C7orf78: variants seen among roughly 807,000 people sequenced by gnomAD.
C7orf78 encodes the protein chromosome 7 open reading frame 78, also known as putative uncharacterized protein C7orf78.
At chr7:12,488,910 T>C in the C7orf78 span, among the ~76,000 whole-genome samples, 4 of 80,304 alleles carry the variant, frequency 5.0e-5, no homozygotes, top group African/African-American at 1.0e-4. Flanking sequence ...GGGGGTTTGA[T>C]TGGTTTTTTT....
chr7:12,498,977 C>A, the C7orf78 span, among the ~76,000 whole-genome samples: 2 of 151,834 alleles, frequency 1.3e-5, no homozygotes, highest in African/African-American at 2.4e-5. Flanking sequence ...TCATTTCCAG[C>A]CAAACTAAGC....
At chr7:12,522,384 A>G in the C7orf78 span, among the ~76,000 whole-genome samples, 1 of 152,126 alleles carries the variant, frequency 6.6e-6, no homozygotes, top group Admixed American at 6.6e-5. Flanking sequence ...CTGGTCAGCA[A>G]AAAAGCAAAT....
the C7orf78 span, among the ~76,000 whole-genome samples, chr7:12,487,455 G>C: frequency 6.6e-6 from 1 of 152,046 alleles, no homozygotes; most frequent in Non-Finnish European, 1.5e-5. Flanking sequence ...TCTGATCTCA[G>C]CAAGGAGAGA....
chr7:12,500,621 A>G, the C7orf78 span, among the ~76,000 whole-genome samples: 4 of 151,920 alleles, frequency 2.6e-5, no homozygotes, highest in African/African-American at 4.8e-5. Context: ...CCAGGACCAG[A>G]TGGATTCACA....
At chr7:12,538,852 C>T in the C7orf78 span, among the ~76,000 whole-genome samples, 1 of 152,166 alleles carries the variant, frequency 6.6e-6, no homozygotes, top group East Asian at 1.9e-4. Context: ...AGGCAGGATG[C>T]TCTATGATCA....
the C7orf78 span, among the ~76,000 whole-genome samples, chr7:12,494,438 T>A: frequency 6.6e-6 from 1 of 152,150 alleles, no homozygotes; most frequent in Non-Finnish European, 1.5e-5. Context: ...TGTCTAACCA[T>A]AATAAATTTA....
chr7:12,536,433 C>T, the C7orf78 span, among the ~76,000 whole-genome samples: 5 of 152,094 alleles, frequency 3.3e-5, no homozygotes, highest in Admixed American at 1.3e-4. Flanking sequence ...GCACGGGGAC[C>T]CTGGTCCTGG....
chr7:12,484,134 T>C, the C7orf78 span: 2 of 152,164 alleles, frequency 1.3e-5, no homozygotes, highest in Non-Finnish European at 2.9e-5. Flanking sequence ...ACTTAAACAC[T>C]GTATGTTTAT....
the C7orf78 span, among the ~76,000 whole-genome samples, chr7:12,539,113 C>T: frequency 6.6e-6 from 1 of 152,244 alleles, no homozygotes. Context: ...TCACAGAAAT[C>T]AGAAATGGGT....
the C7orf78 span, among the ~76,000 whole-genome samples, chr7:12,537,954 ATAT>A: frequency 1.3e-5 from 2 of 152,140 alleles, no homozygotes; most frequent in Non-Finnish European, 2.9e-5. Context: ...TATTCCATTT[ATAT>A]AAAGGAAAAC....
chr7:12,526,764 T>C, the C7orf78 span, among the ~76,000 whole-genome samples: 7 of 150,280 alleles, frequency 4.7e-5, no homozygotes, highest in South Asian at 2.1e-4. Flanking sequence ...AGCTGTGTAA[T>C]TGAAATGGAA....
the C7orf78 span, among the ~76,000 whole-genome samples, chr7:12,533,674 G>A: frequency 4.6e-5 from 7 of 151,788 alleles, no homozygotes; most frequent in African/African-American, 1.2e-4. Flanking sequence ...CCGCCACCAC[G>A]CCCAGCTAAT....
the C7orf78 span, among the ~76,000 whole-genome samples, chr7:12,488,936 C>T: frequency 0.84 from 124,040 of 147,426 alleles, 52,493 homozygotes; most frequent in African/African-American, 0.95. Flanking sequence ...TGGTTTTTTG[C>T]TTTGGCTAAG....
At chr7:12,484,359 A>G in the C7orf78 span, among the ~76,000 whole-genome samples, 30 of 152,318 alleles carry the variant, frequency 2.0e-4, no homozygotes, top group African/African-American at 7.0e-4. Context: ...AGATCAAAAC[A>G]TTTCTGCTTC....
At chr7:12,534,977 G>GGGAAGGAA in the C7orf78 span, among the ~76,000 whole-genome samples, 46,577 of 130,120 alleles carry the variant, frequency 0.36, 8,995 homozygotes, top group Non-Finnish European at 0.4. Flanking sequence ...GAAGGAAGGA[G>GGGAAGGAA]GGAAGGAAGG....
the C7orf78 span, among the ~76,000 whole-genome samples, chr7:12,536,344 C>T: frequency 6.6e-6 from 1 of 152,182 alleles, no homozygotes; most frequent in South Asian, 2.1e-4. Flanking sequence ...GAAGCCATAG[C>T]CTGAGCTCTA....
chr7:12,513,931 C>T, the C7orf78 span, among the ~76,000 whole-genome samples: 16 of 152,018 alleles, frequency 1.1e-4, no homozygotes, highest in Non-Finnish European at 1.5e-4. Context: ...ACCCAGGAGG[C>T]GGAGCTTGCA....
the C7orf78 span, among the ~76,000 whole-genome samples, chr7:12,500,916 C>A: frequency 6.7e-6 from 1 of 148,302 alleles, no homozygotes; most frequent in South Asian, 2.2e-4. Context: ...GGATGCAAGG[C>A]TGGTTGAATA....
chr7:12,489,219 T>C, the C7orf78 span, among the ~76,000 whole-genome samples: 1 of 152,102 alleles, frequency 6.6e-6, no homozygotes, highest in Non-Finnish European at 1.5e-5. Context: ...TCAAGATTTT[T>C]AGTCACATTA....
Sources: allele counts gnomAD v4.1 joint callset (sites outside exome capture counted in the v4.1 genomes callset), GRCh38; gene constraint gnomAD v4.1.1; transcripts MANE v1.5; gene names NCBI Gene and HGNC (gene_info 2026-07-23, HGNC 2026-07-21).